Variants in NUCB2 observed in about 807,000 individuals in gnomAD.
NUCB2 encodes nucleobindin 2.
NUCB2 carries 48 observed loss-of-function variants against 57.9 expected under a neutral mutation model. The ratio of observed to expected loss-of-function variants is 0.83; its 90% confidence interval spans 0.66 to 1.05. NUCB2 has a LOEUF of 1.05. NUCB2 is among the 50% of genes least tolerant of loss of function. The pLI is 0.00. For synonymous variants in NUCB2, 139 were observed against 152.1 expected (o/e 0.91, Z 0.64); for missense variants, 442 against 476.2 (o/e 0.93, Z 0.67).
chr11:17,338,639 G>C (rs143751605), intron 2 of NUCB2, among the ~76,000 whole-genome samples: 1,657 of 151,966 alleles, frequency 0.011, 15 homozygotes, highest in South Asian at 0.031. Context: ...TATAATTTTG[G>C]CTACTCTGTA....
Position 17,310,935 on chromosome 11 carries a change from AAAGAG to A in NUCB2, c.597_601del (p.Lys201ArgfsTer4), listed in dbSNP as rs1948396582. The A allele has an allele frequency of 3.8e-6, 6 of 1,593,224 alleles. No homozygotes were observed. Among genetic ancestry groups the A allele is most frequent in the Non-Finnish European group, 5.1e-6 (6 of 1,173,518 alleles). On this transcript the variant is annotated frameshift_variant, in exon 7 of 14. Coordinates refer to ENST00000529010, the MANE Select transcript of NUCB2 (RefSeq NM_005013.4). LOFTEE classifies it high-confidence loss of function. Reference sequence around the variant, plus strand: ...AATATTTAAAAACATTGAATGAAGAAAAGAGAAAAGAAGAAGAGTCTAAATTTGAA... The same window carrying A: ...AATATTTAAAAACATTGAATGAAGAAAAAAGAAGAAGAGTCTAAATTTGAA...
At chr11:17,346,276 G>A (rs577195396) in intron 2 of NUCB2, among the ~76,000 whole-genome samples, 15 of 152,248 alleles carry the variant, frequency 9.9e-5, no homozygotes, top group African/African-American at 3.4e-4. Flanking sequence ...TTCCAGGCTT[G>A]TCTGCATATT....
chr11:17,298,457 G>T (rs899546260), intron 4 of NUCB2, among the ~76,000 whole-genome samples: 1 of 151,632 alleles, frequency 6.6e-6, no homozygotes, highest in South Asian at 2.1e-4. Flanking sequence ...AGTCCCAGCT[G>T]CTCAGAAAGC....
At chr11:17,339,776 A>G (rs868636862) in intron 2 of NUCB2, among the ~76,000 whole-genome samples, 8 of 151,980 alleles carry the variant, frequency 5.3e-5, no homozygotes, top group Non-Finnish European at 7.4e-5. Flanking sequence ...GGTTGGTTCC[A>G]AGTCTTTGCT....
chr11:17,302,396 G>C (rs1480396096), intron 5 of NUCB2, among the ~76,000 whole-genome samples: 1 of 151,938 alleles, frequency 6.6e-6, no homozygotes, highest in Non-Finnish European at 1.5e-5. Flanking sequence ...AGAATGAAAA[G>C]TAATCAATTA....
At chr11:17,326,471 C>T (rs947437836) in intron 11 of NUCB2, among the ~76,000 whole-genome samples, 1 of 151,100 alleles carries the variant, frequency 6.6e-6, no homozygotes, top group Admixed American at 6.6e-5. Flanking sequence ...GCATGTGCCA[C>T]CACACGCGGC....
At chr11:17,300,578 T>C (rs891675061) in intron 4 of NUCB2, among the ~76,000 whole-genome samples, 3 of 152,240 alleles carry the variant, frequency 2.0e-5, no homozygotes, top group Non-Finnish European at 4.4e-5. Flanking sequence ...TACAGGTTCA[T>C]TCATGTTGCA....
rs1425273365 is a variant in NUCB2, at chr11:17,288,376, G to A, written c.-1+5433G>A. Among the ~76,000 whole-genome samples, 3 of 152,122 alleles carry A rather than the reference G, an allele frequency of 2.0e-5. No individual in the cohort carries two copies. In the East Asian group the frequency reaches 5.8e-4, roughly 29 times the overall value. On this transcript the variant is annotated intron_variant, in intron 2 of 13. Coordinates refer to ENST00000529010, the MANE Select transcript of NUCB2 (RefSeq NM_005013.4). ...CCCTGAGGTCTCTGTCACCCAGGCT[G>A]GAGTAAGGTGGCACAATCATAGCTC...
rs778252233 is a variant in NUCB2, at chr11:17,301,751, G to A, written c.260G>A (p.Arg87Lys). ...TACTAATTTTGTTAACAGAGTGGGA[G>A]GCTAAGCAAAGAACTGGATTTAGTA... ...KADIEEIKSG[R>K]LSKELDLVSH... The change falls in exon 5 of 14, where the codon AGG becomes AAG. Residue 87 changes from arginine (R) to lysine (K), a missense_variant. By Grantham distance (26) the Arg-to-Lys change is conservative (BLOSUM62 2). Coordinates refer to ENST00000529010, the MANE Select transcript of NUCB2 (RefSeq NM_005013.4). The A allele has an allele frequency of 8.7e-6, 14 of 1,607,984 alleles. No homozygotes were observed. Among genetic ancestry groups the A allele is most frequent in the Non-Finnish European group, 1.2e-5 (14 of 1,174,670 alleles).
intron 4 of NUCB2, among the ~76,000 whole-genome samples, chr11:17,297,503 C>T (rs915472053): frequency 6.6e-6 from 1 of 152,134 alleles, no homozygotes; most frequent in Non-Finnish European, 1.5e-5. Context: ...TAATCCTACT[C>T]TTCTTCTGAA....
intron 2 of NUCB2, among the ~76,000 whole-genome samples, chr11:17,348,328 T>G (rs1410538277): frequency 8.2e-6 from 1 of 122,108 alleles, no homozygotes; most frequent in African/African-American, 3.2e-5. Context: ...TGTTTTTTTT[T>G]TTTTTTTTTT....
At chr11:17,343,230 T>C (rs1266316396) in intron 2 of NUCB2, among the ~76,000 whole-genome samples, 1 of 152,160 alleles carries the variant, frequency 6.6e-6, no homozygotes, top group Non-Finnish European at 1.5e-5. Flanking sequence ...ATGGGTTTCC[T>C]GAATACAGCA....
At chr11:17,307,789 T>C (rs1398424905) in intron 5 of NUCB2, among the ~76,000 whole-genome samples, 2 of 152,162 alleles carry the variant, frequency 1.3e-5, no homozygotes, top group African/African-American at 4.8e-5. Flanking sequence ...CACAGTGGAA[T>C]TGCCAAATCA....
At position 17,290,650 on chromosome 11, in the gene NUCB2, A is replaced by C. The variant is rs568039652; in HGVS notation, c.1-4674A>C. Among the ~76,000 whole-genome samples, 7 of 152,262 alleles carry C rather than the reference A, an allele frequency of 4.6e-5. No homozygotes were observed. In the South Asian group the frequency reaches 8.3e-4, roughly 18 times the overall value. On this transcript the variant is annotated intron_variant, in intron 2 of 13. Transcript: ENST00000529010. ...GAAAATCTTAAGTTTATATATATAT[A>C]CCTAATATTTGAATAAAAATTAACA...
At chr11:17,309,813 T>G (rs574823789) in intron 6 of NUCB2, 138 bp downstream of exon 6, 78 of 524,776 alleles carry the variant, frequency 1.5e-4, no homozygotes, top group African/African-American at 1.3e-3. Flanking sequence ...TTAACCCTTA[T>G]TAATACAGAT....
chr11:17,336,537 G>C (rs1453846259), downstream of NUCB2, among the ~76,000 whole-genome samples: 2 of 151,384 alleles, frequency 1.3e-5, no homozygotes, highest in East Asian at 2.0e-4. Context: ...GGCGGATCAC[G>C]AGGTCAGGAG....
intron 5 of NUCB2, among the ~76,000 whole-genome samples, chr11:17,307,569 AT>A (rs1327993206): frequency 6.6e-5 from 10 of 152,186 alleles, no homozygotes; most frequent in African/African-American, 2.2e-4. Context: ...AATTAATAAT[AT>A]ATTTTGAATA....
intron 11 of NUCB2, among the ~76,000 whole-genome samples, chr11:17,318,516 T>C (rs1949594002): frequency 1.3e-5 from 2 of 152,120 alleles, no homozygotes; most frequent in Admixed American, 1.3e-4. Context: ...GCTTTGTACG[T>C]GATTAGGGTT....
chr11:17,305,748 A>G (rs1483943481), intron 5 of NUCB2, among the ~76,000 whole-genome samples: 1 of 151,940 alleles, frequency 6.6e-6, no homozygotes, highest in Non-Finnish European at 1.5e-5. Flanking sequence ...CAGCCTCCTG[A>G]GTAGCTAGGA....
Sources: allele counts gnomAD v4.1 joint callset (sites outside exome capture counted in the v4.1 genomes callset), GRCh38; gene constraint gnomAD v4.1.1; transcripts MANE v1.5; gene names NCBI Gene and HGNC (gene_info 2026-07-23, HGNC 2026-07-21).